The following MGAM2 variants were observed in gnomAD, a reference collection of about 807,000 sequenced individuals.
The protein encoded by MGAM2 is probable maltase-glucoamylase 2.
A neutral mutation model predicts 96.1 loss-of-function variants in MGAM2; 98 were observed. The observed-to-expected ratio is 1.02, with a 90% CI of 0.87 to 1.21. The LOEUF (loss-of-function observed/expected upper bound fraction) is 1.21, where lower values mean the gene tolerates loss of function less well. MGAM2 is among the 50% of genes most tolerant of loss of function. MGAM2 has a pLI of 0.00. For missense variants in MGAM2, 2,055 were observed against 1,182.4 expected, an observed-to-expected ratio of 1.74 and a Z score of -10.82; for synonymous variants, 749 against 414.8, an observed-to-expected ratio of 1.81 and a Z score of -9.79.
At chr7:142,218,636 C>T in intron 47 of MGAM2, 105 bp downstream of exon 47, 3 of 589,892 alleles carry the variant, frequency 5.1e-6, no homozygotes, top group Non-Finnish European at 9.0e-6. Context: ...GTTAAATTTT[C>T]ATGTATTAGA....
In MGAM2 at chr7:142,162,227, G is replaced by GA. The variant is rs1266815937; in HGVS notation, c.2484+232dup. ...TCTGTGCAGAACTTTTTTTTTCCTG[G>GA]AAAAAAAAACATTACCTTTGAGTTT... On this transcript the variant is annotated intron_variant, in intron 23 of 47. Transcript: ENST00000477922. Among the ~76,000 whole-genome samples, 81 of 149,996 alleles carry GA rather than the reference G, an allele frequency of 5.4e-4. No individual in the cohort carries two copies. The Middle Eastern group carries it at 0.014, about 25-fold the overall frequency.
chr7:142,154,940 A>G (rs980036563), intron 17 of MGAM2, 95 bp downstream of exon 17: 2 of 666,070 alleles, frequency 3.0e-6, no homozygotes, highest in African/African-American at 3.6e-5. Flanking sequence ...ACAGGTTGGC[A>G]CTAACTGCAG....
chr7:142,113,923 G>T (rs1216549433), intron 1 of MGAM2, among the ~76,000 whole-genome samples: 6 of 151,980 alleles, frequency 3.9e-5, no homozygotes, highest in Non-Finnish European at 7.4e-5. Context: ...CCTGAGGTTA[G>T]GAGTTCAAGA....
chr7:142,194,728 GTA>G lies in MGAM2; in HGVS notation c.4347-1424_4347-1423del, dbSNP rs1554512356. On this transcript the variant is annotated intron_variant, in intron 37 of 47. Transcript: ENST00000477922. ...TGTGTGTGTGTGTGTGTGTGTGTGT[GTA>G]TTTCCATTCATTTTTGGATTTGTTT... 2.8e-5 allele frequency among the ~76,000 whole-genome samples: 4 copies of G among 143,874 alleles called. No individual in the cohort carries two copies. In the East Asian group the frequency reaches 6.2e-4, roughly 22 times the overall value. 94.4% of individuals were successfully genotyped at this position (143,874 alleles called of 152,430 possible). A position where few individuals can be genotyped will look rare whatever the true frequency, so the allele number is the denominator to read the frequency against.
Position 142,164,999 on chromosome 7 carries a change from C to T in MGAM2, c.2628C>T (p.Ser876=), listed in dbSNP as rs996384589. The part of the protein sequence containing the change: ...LLNNVATSSP[S]VVYNASTKVV... ...ATAATGTTGCCACCTCCAGTCCAAGCGTTGTCTACAATGCTTCCACAAAGG... is the reference window on the plus strand; with the variant it reads ...ATAATGTTGCCACCTCCAGTCCAAGTGTTGTCTACAATGCTTCCACAAAGG... Residue 876 remains serine, a synonymous_variant, in exon 24 of 48, where the codon AGC becomes AGT. Transcript: ENST00000477922. 5 of 701,712 alleles carry T rather than the reference C, an allele frequency of 7.1e-6. No homozygotes were observed. The highest frequency in any genetic ancestry group is 6.0e-5 in the Admixed American group (3 of 49,826). 43.5% of individuals were successfully genotyped at this position (701,712 alleles called of 1,614,324 possible).
At chr7:142,126,048 T>C (rs1405288514) in intron 3 of MGAM2, among the ~76,000 whole-genome samples, 1 of 152,174 alleles carries the variant, frequency 6.6e-6, no homozygotes, top group African/African-American at 2.4e-5. Context: ...TTATACTATA[T>C]ATTTTTCCAA....
rs1460413954 is a variant in MGAM2, at chr7:142,189,466, A to G, written c.4307A>G (p.His1436Arg). 2.3e-6 allele frequency: 2 copies of G among 857,602 alleles called. No individual in the cohort carries two copies. The highest frequency in any genetic ancestry group is 4.0e-5 in the Admixed American group (2 of 50,088). The allele number at this position is 857,602 out of a possible 1,614,324, so 53.1% of individuals were successfully genotyped here. A position where few individuals can be genotyped will look rare whatever the true frequency, so the allele number is the denominator to read the frequency against. ...DSSPVEHYNV[H>R]NLYGWSQTRP... ...TCCCCCGTGGAGCACTACAACGTGC[A>G]CAACCTGTACGGGTGGTCCCAGACC... The change falls in exon 37 of 48, where the codon CAC (histidine) becomes CGC (arginine). Residue 1436 changes from histidine (H) to arginine (R), a missense_variant. Physicochemically the swap from His to Arg is conservative, Grantham distance 29. Transcript: ENST00000477922.
In MGAM2 at chr7:142,154,091, T is replaced by G. The variant is rs1209750303; in HGVS notation, c.1708T>G (p.Phe570Val). Residue 570 changes from phenylalanine (F) to valine (V), a missense_variant, in exon 16 of 48, where the codon TTT (phenylalanine) becomes GTT (valine). Phe to Val is a conservative substitution (Grantham distance 50, BLOSUM62 -1). Transcript: ENST00000477922. ...SRSTFAGSGKFAAHWLGDNAA... is the reference protein window; with the variant it reads ...SRSTFAGSGKVAAHWLGDNAA... ...TTCTACTTTTGCTGGATCTGGCAAA[T>G]TTGCTGCTCATTGGCTGGGGGACAA... is the stretch of plus-strand genomic sequence containing the variant. 1.4e-6 allele frequency: 1 copy of G among 696,018 alleles called. No homozygotes were observed. Among genetic ancestry groups the G allele is most frequent in the Non-Finnish European group, 2.6e-6 (1 of 380,072 alleles). The allele number at this position is 696,018 out of a possible 1,614,324, so 43.1% of individuals were successfully genotyped here. A position where few individuals can be genotyped will look rare whatever the true frequency, so the allele number is the denominator to read the frequency against.
rs551978304 is a variant in MGAM2 at position 142,222,318 on chromosome 7, C to G, written c.*259C>G. On this transcript the variant is annotated 3_prime_UTR_variant, in exon 48 of 48. Coordinates refer to ENST00000477922, the MANE Select transcript of MGAM2 (RefSeq NM_001293626.2). ...TGCAACCATAGTATGTGCTCTTATT[C>G]TTTTAAATTATAGTTATTACTCCTA... is the stretch of plus-strand genomic sequence containing the variant. 5.7e-5 allele frequency: 18 copies of G among 318,222 alleles called. No homozygotes were observed. The highest frequency in any genetic ancestry group is 3.8e-4 in the African/African-American group (18 of 47,086). 19.7% of individuals were successfully genotyped at this position (318,222 alleles called of 1,614,324 possible).
chr7:142,139,917 T>C (rs1795171349), intron 10 of MGAM2, among the ~76,000 whole-genome samples: 1 of 152,002 alleles, frequency 6.6e-6, no homozygotes, highest in South Asian at 2.1e-4. Context: ...GGAAGAATTT[T>C]CTTCCGCAAA....
intron 6 of MGAM2, among the ~76,000 whole-genome samples, chr7:142,132,547 TTTAA>T (rs1350687891): frequency 1.5e-5 from 2 of 133,628 alleles, no homozygotes; most frequent in Non-Finnish European, 3.1e-5. Context: ...AAATATATAA[TTTAA>T]TTATACATTC....
In MGAM2 at chr7:142,197,635, T is replaced by C; in HGVS notation, c.4782-9T>C. The C allele has an allele frequency of 1.4e-6, 1 of 703,026 alleles. No homozygotes were observed. Among genetic ancestry groups the C allele is most frequent in the East Asian group, 2.7e-5 (1 of 37,288 alleles). 43.5% of individuals were successfully genotyped at this position (703,026 alleles called of 1,614,324 possible). Reference sequence around the variant, plus strand: ...GGATAGGTGAATTTTTCCTGTTTATTTTTTTAAGGTTTACGGATGACAGGA... The same window carrying C: ...GGATAGGTGAATTTTTCCTGTTTATCTTTTTAAGGTTTACGGATGACAGGA... On this transcript the variant is annotated splice_polypyrimidine_tract_variant and intron_variant, in intron 41 of 47. Transcript: ENST00000477922.
At position 142,219,980 on chromosome 7, in the gene MGAM2, C is replaced by T. The variant is rs781631707; in HGVS notation, c.5469C>T (p.Ile1823=). 1 of 702,896 alleles carries T rather than the reference C, an allele frequency of 1.4e-6. No homozygotes were observed. Among genetic ancestry groups the T allele is most frequent in the East Asian group, 2.7e-5 (1 of 37,280 alleles). The allele number at this position is 702,896 out of a possible 1,614,324, so 43.5% of individuals were successfully genotyped here. ...CTACTCCAACTAAGACAAGTACCAT[C>T]CCAATGAGTTCTCATCCTTCTCCAT... ...VLPTPTKTST[I]PMSSHPSPST... Residue 1823 remains isoleucine (I), a synonymous_variant, in exon 48 of 48, where the codon ATC becomes ATT. Coordinates refer to ENST00000477922, the MANE Select transcript of MGAM2 (RefSeq NM_001293626.2).
intron 3 of MGAM2, among the ~76,000 whole-genome samples, chr7:142,122,803 A>AC (rs1340203710): frequency 2.6e-5 from 4 of 152,154 alleles, no homozygotes; most frequent in Non-Finnish European, 5.9e-5. Flanking sequence ...TCAAATTTAT[A>AC]AACTTTGAGT....
chr7:142,209,981 G>A (rs1001265324), intron 46 of MGAM2, among the ~76,000 whole-genome samples: 1 of 152,228 alleles, frequency 6.6e-6, no homozygotes, highest in Non-Finnish European at 1.5e-5. Flanking sequence ...CAGAAGGCAG[G>A]TGATTTCTGC....
At chr7:142,181,343 C>T (rs182452894) in intron 32 of MGAM2, among the ~76,000 whole-genome samples, 41 of 152,218 alleles carry the variant, frequency 2.7e-4, no homozygotes, top group Non-Finnish European at 4.4e-4. Context: ...TGGCTGAATT[C>T]CTGCATTGGG....
chr7:142,194,938 G>T (rs1454402952), intron 37 of MGAM2, among the ~76,000 whole-genome samples: 2 of 152,048 alleles, frequency 1.3e-5, no homozygotes, highest in Admixed American at 6.6e-5. Context: ...TTGTTCAGTT[G>T]ATTTTTCCCT....
At chr7:142,184,666 G>C (rs963362576) in intron 33 of MGAM2, among the ~76,000 whole-genome samples, 1 of 152,118 alleles carries the variant, frequency 6.6e-6, no homozygotes, top group African/African-American at 2.4e-5. Context: ...TATAAGTCAC[G>C]ATAGTGCTTA....
At chr7:142,171,577 C>A in intron 28 of MGAM2, 137 bp downstream of exon 28, 1 of 412,266 alleles carries the variant, frequency 2.4e-6, no homozygotes, top group East Asian at 4.4e-5. Flanking sequence ...TAATAGAGCA[C>A]GTGTCACATT....
Sources: gnomAD v4.1 joint callset for allele counts (sites outside exome capture counted in the v4.1 genomes callset) on GRCh38, gnomAD v4.1.1 for gene constraint, MANE v1.5 for transcripts, NCBI Gene and HGNC (gene_info 2026-07-23, HGNC 2026-07-21) for gene names.